RAP1GAP2: variants seen among roughly 807,000 people sequenced by gnomAD.
RAP1GAP2 encodes the protein RAP1 GTPase activating protein 2.
RAP1GAP2 carries 27 observed loss-of-function variants against 95.0 expected under a neutral mutation model. The ratio of observed to expected loss-of-function variants is 0.28; its 90% CI spans 0.21 to 0.39. The LOEUF is 0.39. Among genes scored for constraint, RAP1GAP2 ranks in the 10% least tolerant of loss-of-function variants. RAP1GAP2 has a pLI of 1.00. For synonymous variants in RAP1GAP2, 373 were observed against 380.9 expected (o/e 0.98, Z 0.24); for missense variants, 771 against 970.0 (o/e 0.79, Z 2.72).
intron 12 of RAP1GAP2, among the ~76,000 whole-genome samples, chr17:2,992,073 A>G (rs1301003390): frequency 6.7e-6 from 1 of 150,352 alleles, no homozygotes; most frequent in South Asian, 2.1e-4. Context: ...GCCTGAAATG[A>G]CCTATTTTAG....
At chr17:2,835,880 T>C (rs1043322940) in intron 2 of RAP1GAP2, among the ~76,000 whole-genome samples, 1 of 152,214 alleles carries the variant, frequency 6.6e-6, no homozygotes, top group Non-Finnish European at 1.5e-5. Context: ...GTAGCTTGTG[T>C]GCTGACAGTG....
At position 3,025,998 on chromosome 17, in the gene RAP1GAP2, A is replaced by G. The variant is rs1473480482; in HGVS notation, c.1752-10A>G. 2.5e-6 allele frequency: 4 copies of G among 1,598,654 alleles called. No individual in the cohort carries two copies. The highest frequency in any genetic ancestry group is 3.4e-6 in the Non-Finnish European group (4 of 1,166,288). ...CTCCGCGGCCTCACTCCTCATTTCC[A>G]TTCCCTCAGTGACAGCACATCCAGC... On this transcript the variant is annotated splice_polypyrimidine_tract_variant and intron_variant, in intron 19 of 24. Transcript: ENST00000254695.
At chr17:2,896,766 G>A (rs956829008) in intron 2 of RAP1GAP2, among the ~76,000 whole-genome samples, 1 of 152,212 alleles carries the variant, frequency 6.6e-6, no homozygotes, top group African/African-American at 2.4e-5. Flanking sequence ...CCCTGGTGCA[G>A]TTTAGGACTT....
chr17:2,809,634 C>T (rs945503732), intron 2 of RAP1GAP2, among the ~76,000 whole-genome samples: 3 of 152,204 alleles, frequency 2.0e-5, no homozygotes, highest in East Asian at 1.9e-4. Context: ...GGAAGACTCA[C>T]GGTCCTGTGG....
intron 2 of RAP1GAP2, among the ~76,000 whole-genome samples, chr17:2,840,947 G>A (rs2071348928): frequency 6.6e-6 from 1 of 151,990 alleles, no homozygotes; most frequent in South Asian, 2.1e-4. Flanking sequence ...GCAGTGAGCC[G>A]AGATTGCGCC....
Position 2,796,709 on chromosome 17 carries a change from C to A in RAP1GAP2, c.44+138C>A. 1.0e-6 allele frequency: 1 copy of A among 968,156 alleles called. No homozygotes were observed. The highest frequency in any genetic ancestry group is 1.6e-6 in the Non-Finnish European group (1 of 625,354). The allele number at this position is 968,156 out of a possible 1,614,324, so 60.0% of individuals were successfully genotyped here. Reference sequence around the variant, plus strand: ...TGGGTCTGCTGACGCCCTGGCAGGTCGAGATGCAGGATCCTGGTGGGGACA... The same window carrying A: ...TGGGTCTGCTGACGCCCTGGCAGGTAGAGATGCAGGATCCTGGTGGGGACA... On this transcript the variant is annotated intron_variant, in intron 1 of 24. Transcript: ENST00000254695. The surrounding 1 kb of genome is among the most constrained non-coding windows in gnomAD (Gnocchi z 4.7).
At chr17:2,927,318 T>C (rs934437224) in intron 3 of RAP1GAP2, among the ~76,000 whole-genome samples, 60 of 151,982 alleles carry the variant, frequency 3.9e-4, no homozygotes, top group African/African-American at 1.3e-3. Context: ...CGCGCCCGGC[T>C]AATTTTTTGT....
chr17:2,970,146 C>T (rs924357932), intron 8 of RAP1GAP2, among the ~76,000 whole-genome samples: 1 of 151,664 alleles, frequency 6.6e-6, no homozygotes, highest in Non-Finnish European at 1.5e-5. Context: ...TGGTGACATG[C>T]ACCTGTAACC....
chr17:2,937,082 C>G (rs543526020), intron 3 of RAP1GAP2, among the ~76,000 whole-genome samples: 29 of 152,304 alleles, frequency 1.9e-4, no homozygotes, highest in African/African-American at 7.0e-4. Flanking sequence ...ACGGGAGTAC[C>G]ACCTTGGGAC....
At chr17:3,026,606 C>G (rs1342735024) in intron 21 of RAP1GAP2, 142 bp downstream of exon 21, 1 of 797,082 alleles carries the variant, frequency 1.3e-6, no homozygotes, top group East Asian at 2.7e-5. Flanking sequence ...GAGGTGGGCT[C>G]GTTGGCCATC....
At chr17:2,769,399 CA>C (rs2068345681) in intron 1 of RAP1GAP2, among the ~76,000 whole-genome samples, 1 of 150,810 alleles carries the variant, frequency 6.6e-6, no homozygotes, top group African/African-American at 2.4e-5. Flanking sequence ...ACTAAAAATA[CA>C]AAAAATTAGC....
chr17:2,822,972 G>A (rs949250404), intron 2 of RAP1GAP2, among the ~76,000 whole-genome samples: 5 of 152,126 alleles, frequency 3.3e-5, no homozygotes, highest in Non-Finnish European at 7.3e-5. Context: ...AAGTAGCCGG[G>A]TGTGGTGGTG....
At position 2,897,102 on chromosome 17, in the gene RAP1GAP2, T is replaced by A. The variant is rs537898723; in HGVS notation, c.81-8182T>A. 1.6e-3 allele frequency among the ~76,000 whole-genome samples: 251 copies of A among 152,302 alleles called. 1 individual carries two copies. The highest frequency in any genetic ancestry group is 1.6e-3 in the Non-Finnish European group (106 of 68,030). ...CTATAATCCCAGCGCTTTGGGAGGC[T>A]GAGGCGGGTAGATCGCCTGAGGTCA... On this transcript the variant is annotated intron_variant, in intron 2 of 24. Coordinates refer to ENST00000254695, the MANE Select transcript of RAP1GAP2 (RefSeq NM_015085.5).
At chr17:2,893,717 C>G (rs1234467673) in intron 2 of RAP1GAP2, among the ~76,000 whole-genome samples, 3 of 152,184 alleles carry the variant, frequency 2.0e-5, no homozygotes, top group Non-Finnish European at 2.9e-5. Context: ...CTGCTCCCCC[C>G]ATGGAGGCCA....
chr17:3,021,233 A>G (rs1213915408), intron 19 of RAP1GAP2, among the ~76,000 whole-genome samples: 2 of 152,074 alleles, frequency 1.3e-5, no homozygotes, highest in African/African-American at 4.8e-5. Context: ...ATTATCAACT[A>G]TAGTCACTGT....
intron 4 of RAP1GAP2, among the ~76,000 whole-genome samples, chr17:2,960,967 G>A (rs2044297585): frequency 6.6e-6 from 1 of 152,244 alleles, no homozygotes; most frequent in South Asian, 2.1e-4. Context: ...TGTAATCCCA[G>A]CACTTTGGGA....
At chr17:2,826,912 A>G (rs1353497474) in intron 2 of RAP1GAP2, among the ~76,000 whole-genome samples, 1 of 152,182 alleles carries the variant, frequency 6.6e-6, no homozygotes, top group Non-Finnish European at 1.5e-5. Flanking sequence ...AGGCTGAGAC[A>G]AGAGAATCGC....
At chr17:2,966,660 T>G (rs1258149060) in intron 8 of RAP1GAP2, among the ~76,000 whole-genome samples, 1 of 152,174 alleles carries the variant, frequency 6.6e-6, no homozygotes, top group Non-Finnish European at 1.5e-5. Flanking sequence ...GGAAGCAATT[T>G]TCTCTACAGA....
chr17:3,013,059 G>A (rs2046616928), intron 17 of RAP1GAP2, among the ~76,000 whole-genome samples: 1 of 152,242 alleles, frequency 6.6e-6, no homozygotes, highest in African/African-American at 2.4e-5. Flanking sequence ...GGCTGGCTGT[G>A]ATGGACCCGG....
Sources: gnomAD v4.1 joint callset for allele counts (sites outside exome capture counted in the v4.1 genomes callset) on GRCh38, gnomAD v4.1.1 for gene constraint, Gnocchi (gnomAD v3.1) non-coding constraint, MANE v1.5 for transcripts, NCBI Gene and HGNC (gene_info 2026-07-23, HGNC 2026-07-21) for gene names.